ULK4: variants seen among roughly 807,000 people sequenced by gnomAD.
ULK4 encodes inactive serine/threonine-protein kinase ULK4.
ULK4 carries 133 observed loss-of-function variants against 160.6 expected under a neutral mutation model. The observed-to-expected ratio is 0.83, with a 90% confidence interval of 0.72 to 0.96. The LOEUF is 0.96. Ranked by LOEUF, ULK4 falls within the 40% of genes least tolerant of loss-of-function variation. The pLI is 0.00. For synonymous variants in ULK4, 534 were observed against 539.8 expected (o/e 0.99, Z 0.15); for missense variants, 1,580 against 1,499.5 (o/e 1.05, Z -0.89).
intron 19 of ULK4, among the ~76,000 whole-genome samples, chr3:41,817,226 G>A (rs1054195550): frequency 4.6e-5 from 7 of 152,100 alleles, no homozygotes; most frequent in African/African-American, 1.2e-4. Flanking sequence ...AGAATGTGGC[G>A]CCATTCCATT....
rs182987179 is a variant in ULK4 at position 41,311,005 on chromosome 3, T to G, written c.3679-61431A>C. On this transcript the variant is annotated intron_variant, in intron 35 of 36. Transcript: ENST00000301831. Reference sequence around the variant, plus strand: ...GAGACCTCGTCTCAAAAAAAAATAATAATAATAAATAAATAAATAAAAGGA... The same window carrying G: ...GAGACCTCGTCTCAAAAAAAAATAAGAATAATAAATAAATAAATAAAAGGA... Among the ~76,000 whole-genome samples, 1,487 of 149,784 alleles carry G rather than the reference T, an allele frequency of 9.9e-3. 12 individuals carry two copies. Among genetic ancestry groups the G allele is most frequent in the Non-Finnish European group, 0.014 (945 of 67,516 alleles).
chr3:41,275,155 C>T (rs2079208073), intron 35 of ULK4, among the ~76,000 whole-genome samples: 1 of 152,166 alleles, frequency 6.6e-6, no homozygotes, highest in Non-Finnish European at 1.5e-5. Context: ...TATTACTTCC[C>T]ATAAAGAATG....
At chr3:41,493,207 A>T in intron 32 of ULK4, among the ~76,000 whole-genome samples, 1 of 141,790 alleles carries the variant, frequency 7.1e-6, no homozygotes. Context: ...ATGTAAAAGA[A>T]CAGAAATTAT....
chr3:41,640,461 G>A (rs1484861912), intron 30 of ULK4, among the ~76,000 whole-genome samples: 1 of 152,116 alleles, frequency 6.6e-6, no homozygotes, highest in Non-Finnish European at 1.5e-5. Context: ...ATGTAGAATG[G>A]TCTCTCGTTT....
chr3:41,708,060 G>A lies in ULK4; in HGVS notation c.2635-2755C>T, dbSNP rs371502275. Among the ~76,000 whole-genome samples the A allele has an allele frequency of 4.4e-4, 66 of 151,664 alleles. 1 individual carries two copies. The South Asian group carries it at 0.012, about 27-fold the overall frequency. On this transcript the variant is annotated intron_variant, in intron 25 of 36. Coordinates refer to ENST00000301831, the MANE Select transcript of ULK4 (RefSeq NM_017886.4). ...GAAAAGGGAACTCTTGCACACTGTCGGTGGGAATGTAAACTAGTACAGCCA... is the reference window on the plus strand; with the variant it reads ...GAAAAGGGAACTCTTGCACACTGTCAGTGGGAATGTAAACTAGTACAGCCA...
chr3:41,793,481 G>A (rs1401940632), intron 20 of ULK4, among the ~76,000 whole-genome samples: 2 of 152,050 alleles, frequency 1.3e-5, no homozygotes, highest in Non-Finnish European at 2.9e-5. Context: ...TACCCTGGGA[G>A]GTTTTTCAAA....
rs143120328 is a variant in ULK4 at position 41,961,215 on chromosome 3, A to AACAGGTGATAAGAGCGC, written c.-49+784_-49+800dup. On this transcript the variant is annotated intron_variant, in intron 1 of 36. Transcript: ENST00000301831. ...CTACATTCAAGGAACGCTGAGAGCG[A>AACAGGTGATAAGAGCGC]ACAGGTGATAAGAGCGCACAGGTGC... 1.8e-4 allele frequency among the ~76,000 whole-genome samples: 28 copies of AACAGGTGATAAGAGCGC among 152,366 alleles called. No individual in the cohort carries two copies. In the East Asian group the frequency reaches 5.2e-3, roughly 28 times the overall value.
At chr3:41,629,359 A>C (rs1263371178) in intron 30 of ULK4, among the ~76,000 whole-genome samples, 2 of 152,158 alleles carry the variant, frequency 1.3e-5, no homozygotes, top group African/African-American at 4.8e-5. Flanking sequence ...TGGAGCATCT[A>C]TCTATAGCTG....
chr3:41,251,223 A>G (rs2078737138), intron 35 of ULK4: 2 of 152,250 alleles, frequency 1.3e-5, no homozygotes, highest in African/African-American at 4.8e-5. Context: ...ATGTAGACAT[A>G]AACAACGCCA....
rs1553664758 is a variant in ULK4, at chr3:41,431,547, C to CTTTTTTTTTTTTTTTTTTTT, written c.3492+23949_3492+23950insAAAAAAAAAAAAAAAAAAAA. ...CCTGTGAGGTGTTGTAATTCCCTCC[C>CTTTTTTTTTTTTTTTTTTTT]TTTTTTTTTTTTTTTGATGTGGAAA... On this transcript the variant is annotated intron_variant, in intron 34 of 36. Coordinates refer to ENST00000301831, the MANE Select transcript of ULK4 (RefSeq NM_017886.4). Among the ~76,000 whole-genome samples the CTTTTTTTTTTTTTTTTTTTT allele has an allele frequency of 6.5e-4, 62 of 95,854 alleles. 5 individuals are homozygous for CTTTTTTTTTTTTTTTTTTTT. The highest frequency in any genetic ancestry group is 1.5e-3 in the South Asian group (4 of 2,644). The allele number at this position is 95,854 out of a possible 152,430, so 62.9% of individuals were successfully genotyped here. A position where few individuals can be genotyped will look rare whatever the true frequency, so the allele number is the denominator to read the frequency against.
intron 18 of ULK4, among the ~76,000 whole-genome samples, chr3:41,832,485 A>G (rs1426837512): frequency 2.0e-5 from 3 of 152,174 alleles, no homozygotes; most frequent in South Asian, 2.1e-4. Flanking sequence ...CCCATTCTGT[A>G]GGCTGTCTGT....
chr3:41,895,599 A>C, intron 15 of ULK4, 35 bp from the exon 16 acceptor site: 1 of 1,370,440 alleles, frequency 7.3e-7, no homozygotes, highest in Non-Finnish European at 9.7e-7. Context: ...AGAAAAGAAA[A>C]AATTAAAATG....
At chr3:41,469,990 T>C (rs917874372) in intron 32 of ULK4, among the ~76,000 whole-genome samples, 1 of 79,148 alleles carries the variant, frequency 1.3e-5, no homozygotes, top group African/African-American at 4.9e-5. Flanking sequence ...AACCTATGCA[T>C]AAGAGGAATT....
At position 41,412,723 on chromosome 3, in the gene ULK4, C is replaced by A. The variant is rs187119433; in HGVS notation, c.3493-14459G>T. Among the ~76,000 whole-genome samples the A allele has an allele frequency of 3.9e-3, 595 of 151,894 alleles. 2 individuals are homozygous for A. Among genetic ancestry groups the A allele is most frequent in the African/African-American group, 0.014 (572 of 41,404 alleles). On this transcript the variant is annotated intron_variant, in intron 34 of 36. Coordinates refer to ENST00000301831, the MANE Select transcript of ULK4 (RefSeq NM_017886.4). ...TACAGGCATGCACCACCAAGCCCAG[C>A]TAATTTGTTGTATTTTTAGTAGAGA...
chr3:41,842,186 AAAATAAAAAAAAAG>A (rs1400507904), intron 17 of ULK4, among the ~76,000 whole-genome samples: 1 of 141,564 alleles, frequency 7.1e-6, no homozygotes, highest in Non-Finnish European at 1.5e-5. Flanking sequence ...TGTAAAAAAA[AAAATAAAAAAAAAG>A]AAGACTAAGG....
At chr3:41,705,730 G>A (rs2036854701) in intron 25 of ULK4, among the ~76,000 whole-genome samples, 1 of 151,972 alleles carries the variant, frequency 6.6e-6, no homozygotes, top group African/African-American at 2.4e-5. Flanking sequence ...CCCGACCTCA[G>A]GTGGTCCACC....
chr3:41,376,790 C>T (rs369746072), intron 35 of ULK4, among the ~76,000 whole-genome samples: 1 of 150,058 alleles, frequency 6.7e-6, no homozygotes, highest in African/African-American at 2.5e-5. Context: ...GTAAAAATGG[C>T]CATAATACCC....
At chr3:41,674,979 C>T (rs143339775) in intron 29 of ULK4, among the ~76,000 whole-genome samples, 4,307 of 152,248 alleles carry the variant, frequency 0.028, 144 homozygotes, top group East Asian at 0.088. Flanking sequence ...TGGTGGCTCA[C>T]GCCTGTAATC....
chr3:41,526,561 C>T (rs757936754), intron 32 of ULK4, among the ~76,000 whole-genome samples: 61 of 152,240 alleles, frequency 4.0e-4, no homozygotes, highest in Admixed American at 2.2e-3. Context: ...CCTGGCTTCC[C>T]TAATGCCCTT....
Sources: allele counts gnomAD v4.1 joint callset (sites outside exome capture counted in the v4.1 genomes callset), GRCh38; gene constraint gnomAD v4.1.1; transcripts MANE v1.5; gene names NCBI Gene and HGNC (gene_info 2026-07-23, HGNC 2026-07-21).